NMNAT2: variants seen among roughly 807,000 people sequenced by gnomAD.
NMNAT2 encodes nicotinamide nucleotide adenylyltransferase 2.
A neutral mutation model predicts 41.6 loss-of-function variants in NMNAT2; 11 were observed. The observed-to-expected ratio is 0.26, with a 90% CI of 0.17 to 0.44. The LOEUF (loss-of-function observed/expected upper bound fraction) is 0.44, where lower values mean the gene tolerates loss of function less well. Ranked by LOEUF, NMNAT2 falls within the 20% of genes least tolerant of loss-of-function variation. The pLI is 1.00. For synonymous variants in NMNAT2, 148 were observed against 151.2 expected (o/e 0.98, Z 0.16); for missense variants, 288 against 407.7 (o/e 0.71, Z 2.53).
intron 1 of NMNAT2, among the ~76,000 whole-genome samples, chr1:183,403,098 T>A (rs945839854): frequency 6.6e-6 from 1 of 152,004 alleles, no homozygotes; most frequent in African/African-American, 2.4e-5. Context: ...CACGTCCAGC[T>A]AATTTTTGTA....
chr1:183,278,267 C>T (rs776226127), intron 8 of NMNAT2, among the ~76,000 whole-genome samples: 1 of 152,190 alleles, frequency 6.6e-6, no homozygotes. Flanking sequence ...TCCTTCTCCC[C>T]ATCGGCAACA....
intron 1 of NMNAT2, among the ~76,000 whole-genome samples, chr1:183,319,132 G>C (rs990548579): frequency 6.6e-6 from 1 of 152,158 alleles, no homozygotes; most frequent in Non-Finnish European, 1.5e-5. Flanking sequence ...TAGAAGTCAA[G>C]ATTGCTGAGC....
At chr1:183,341,215 C>T (rs1378656592) in intron 1 of NMNAT2, among the ~76,000 whole-genome samples, 2 of 152,144 alleles carry the variant, frequency 1.3e-5, no homozygotes, top group African/African-American at 4.8e-5. Context: ...AAGAAGGCAT[C>T]TGTGTGGCTC....
chr1:183,396,262 C>G (rs1648647052), intron 1 of NMNAT2, among the ~76,000 whole-genome samples: 1 of 152,124 alleles, frequency 6.6e-6, no homozygotes, highest in Admixed American at 6.6e-5. Context: ...CAGGAGAGGT[C>G]TCCCCTGCCC....
intron 1 of NMNAT2, among the ~76,000 whole-genome samples, chr1:183,330,534 T>C (rs1662559972): frequency 6.6e-6 from 1 of 152,096 alleles, no homozygotes; most frequent in African/African-American, 2.4e-5. Flanking sequence ...CTGTTCTTCC[T>C]CAACCATGCC....
chr1:183,390,639 A>G (rs1648455436), intron 1 of NMNAT2, among the ~76,000 whole-genome samples: 1 of 152,228 alleles, frequency 6.6e-6, no homozygotes, highest in Admixed American at 6.5e-5. Flanking sequence ...CATGCTTCGG[A>G]TGCCTGGTGA....
At chr1:183,317,289 T>C (rs1460218696) in intron 1 of NMNAT2, among the ~76,000 whole-genome samples, 1 of 152,224 alleles carries the variant, frequency 6.6e-6, no homozygotes, top group Non-Finnish European at 1.5e-5. Context: ...ATTTTTTCTT[T>C]TTCCTTTTTT....
intron 9 of NMNAT2, 44 bp downstream of exon 9, chr1:183,261,158 A>G: frequency 6.2e-7 from 1 of 1,606,414 alleles, no homozygotes; most frequent in Non-Finnish European, 8.5e-7. Flanking sequence ...GGACTCTCAG[A>G]GAAGGGCCAT....
At chr1:183,401,163 C>T (rs1455417554) in intron 1 of NMNAT2, among the ~76,000 whole-genome samples, 1 of 152,196 alleles carries the variant, frequency 6.6e-6, no homozygotes, top group Non-Finnish European at 1.5e-5. Flanking sequence ...ACAATCCACC[C>T]ATCTGACAAA....
intron 1 of NMNAT2, among the ~76,000 whole-genome samples, chr1:183,401,214 A>G (rs1201645069): frequency 2.6e-5 from 4 of 152,246 alleles, no homozygotes; most frequent in Admixed American, 6.5e-5. Flanking sequence ...AAACAAATTT[A>G]CAAGAAAAAA....
At chr1:183,268,464 G>A (rs955715572) in intron 8 of NMNAT2, among the ~76,000 whole-genome samples, 1 of 152,184 alleles carries the variant, frequency 6.6e-6, no homozygotes, top group Non-Finnish European at 1.5e-5. Context: ...GAAGATATGA[G>A]TAGGTTACTA....
chr1:183,400,444 CT>C (rs1648776594), intron 1 of NMNAT2, among the ~76,000 whole-genome samples: 1 of 152,200 alleles, frequency 6.6e-6, no homozygotes, highest in Non-Finnish European at 1.5e-5. Flanking sequence ...ACATTCCATG[CT>C]TATGGATAGG....
intron 8 of NMNAT2, among the ~76,000 whole-genome samples, chr1:183,274,138 C>A (rs150685527): frequency 0.011 from 1,641 of 151,694 alleles, 22 homozygotes; most frequent in Middle Eastern, 0.017. Context: ...GTCTCAAACT[C>A]CTGACCTCAA....
intron 1 of NMNAT2, among the ~76,000 whole-genome samples, chr1:183,321,992 A>ATT (rs776535743): frequency 6.9e-6 from 1 of 145,120 alleles, no homozygotes; most frequent in Non-Finnish European, 1.5e-5. Context: ...CTAATTTAAA[A>ATT]TTTTTTTTTT....
At chr1:183,362,574 G>A (rs974518923) in intron 1 of NMNAT2, among the ~76,000 whole-genome samples, 2 of 152,094 alleles carry the variant, frequency 1.3e-5, no homozygotes, top group Admixed American at 6.5e-5. Flanking sequence ...TGCTTTCAAG[G>A]TTCATCCATG....
chr1:183,362,262 T>C (rs1663322409), intron 1 of NMNAT2, among the ~76,000 whole-genome samples: 1 of 152,322 alleles, frequency 6.6e-6, no homozygotes, highest in Non-Finnish European at 1.5e-5. Context: ...TATTGAGACA[T>C]AATTCACATA....
At chr1:183,409,083 G>A (rs915769849) in intron 1 of NMNAT2, among the ~76,000 whole-genome samples, 20 of 151,966 alleles carry the variant, frequency 1.3e-4, no homozygotes, top group Non-Finnish European at 2.4e-4. Flanking sequence ...TGGTGGGCAC[G>A]GTGGCTCACA....
rs78466583 is a variant in NMNAT2 at position 183,344,232 on chromosome 1, C to A, written c.86-50439G>T. On this transcript the variant is annotated intron_variant, in intron 1 of 10. Transcript: ENST00000287713. The stretch of plus-strand genomic sequence containing the variant: ...GCTGAATGCGATTAATTCTCACAAC[C>A]GCACAATGAAGCAAGCATAATCATC... 3.7e-3 allele frequency among the ~76,000 whole-genome samples: 564 copies of A among 152,178 alleles called. 9 individuals are homozygous for A. The highest frequency in any genetic ancestry group is 0.011 in the African/African-American group (474 of 41,522).
Position 183,284,001 on chromosome 1 carries a change from C to T in NMNAT2, c.568G>A (p.Glu190Lys), listed in dbSNP as rs764247192. The change falls in exon 7 of 11, where the codon GAG becomes AAG. Residue 190 changes from glutamate to lysine, a missense_variant. Glu to Lys is a moderately conservative substitution (Grantham distance 56). This residue lies in a region of NMNAT2 where 181 missense variants were observed against 213.7 expected (regional missense o/e 0.85). Coordinates refer to ENST00000287713, the MANE Select transcript of NMNAT2 (RefSeq NM_015039.4). ...CTTTCGCAGTCCCACTCACCAATCT[C>T]TTCATACCGCATCACCGTGCCCAGA... ...ANLGTVMRYE[E>K]IELRILLLCG... 1 of 1,614,072 alleles carries T rather than the reference C, an allele frequency of 6.2e-7. No homozygotes were observed. Among genetic ancestry groups the T allele is most frequent in the Non-Finnish European group, 8.5e-7 (1 of 1,179,996 alleles).
Sources: gnomAD v4.1 joint callset for allele counts (sites outside exome capture counted in the v4.1 genomes callset) on GRCh38, gnomAD v4.1.1 for gene constraint, gnomAD v4.1.1 regional missense constraint, MANE v1.5 for transcripts, NCBI Gene and HGNC (gene_info 2026-07-23, HGNC 2026-07-21) for gene names.